CHKA: variants seen among roughly 807,000 people sequenced by gnomAD.
CHKA encodes CHETK-alpha.
CHKA carries 34 observed loss-of-function variants against 60.1 expected under a neutral mutation model. The ratio of observed to expected loss-of-function variants is 0.57; its 90% confidence interval spans 0.43 to 0.75. The LOEUF (loss-of-function observed/expected upper bound fraction) is 0.75, where lower values mean the gene tolerates loss of function less well. Among genes scored for constraint, CHKA ranks in the 30% least tolerant of loss-of-function variants. The pLI is 0.00. For missense variants in CHKA, 563 were observed against 561.3 expected (o/e 1.00, Z -0.03); for synonymous variants, 217 against 223.1 (o/e 0.97, Z 0.24).
Position 68,073,973 on chromosome 11 carries a change from G to C in CHKA, c.630+744C>G, listed in dbSNP as rs1856704158. On this transcript the variant is annotated intron_variant, in intron 4 of 11. Coordinates refer to ENST00000265689, the MANE Select transcript of CHKA (RefSeq NM_001277.3). The stretch of plus-strand genomic sequence containing the variant: ...AAGACGAGCATTGCCAATCAAAGAA[G>C]TATTGCCAGGGCTCAGAGCCACACT... 3.3e-5 allele frequency among the ~76,000 whole-genome samples: 5 copies of C among 152,262 alleles called. No homozygotes were observed. In the South Asian group the frequency reaches 1.0e-3, roughly 32 times the overall value.
At chr11:68,091,621 C>T (rs947039697) in intron 2 of CHKA, among the ~76,000 whole-genome samples, 4 of 152,316 alleles carry the variant, frequency 2.6e-5, no homozygotes, top group African/African-American at 9.6e-5. Flanking sequence ...AGCTGTGGAG[C>T]TGAACCCAAT....
In CHKA at chr11:68,053,993, C is replaced by A. The variant is rs772463621; in HGVS notation, c.1369G>T (p.Val457Leu). 3 of 1,613,568 alleles carry A rather than the reference C, an allele frequency of 1.9e-6. No individual in the cohort carries two copies. Among genetic ancestry groups the A allele is most frequent in the Non-Finnish European group, 2.5e-6 (3 of 1,179,774 alleles). ...GGATGGAGTCCTCCCCACAGTCACA[C>A]CCCAAGCTTCCTCTTCTGGTGGAAA... ...AYFHQKRKLG[V>L] The change falls in exon 12 of 12, where the codon GTG becomes TTG. Residue 457 changes from valine to leucine, a missense_variant. Physicochemically the swap from Val to Leu is conservative, Grantham distance 32 (BLOSUM62 1). Transcript: ENST00000265689.
chr11:68,118,418 G>A (rs967912221), intron 1 of CHKA, among the ~76,000 whole-genome samples: 4 of 152,042 alleles, frequency 2.6e-5, no homozygotes, highest in African/African-American at 4.8e-5. Flanking sequence ...TCCAGCCTGC[G>A]CGACAGAGTG....
chr11:68,097,347 C>T (rs902890669), intron 1 of CHKA, among the ~76,000 whole-genome samples: 2 of 152,066 alleles, frequency 1.3e-5, no homozygotes, highest in Non-Finnish European at 2.9e-5. Flanking sequence ...TGAAATTGCC[C>T]GTGTGGGCCG....
intron 2 of CHKA, among the ~76,000 whole-genome samples, chr11:68,095,766 G>C (rs1163459801): frequency 6.9e-6 from 1 of 144,416 alleles, no homozygotes; most frequent in Non-Finnish European, 1.5e-5. Context: ...CACAGGCCAG[G>C]CGTGGTGGCT....
chr11:68,095,494 G>C (rs530918775), intron 2 of CHKA, among the ~76,000 whole-genome samples: 5 of 145,592 alleles, frequency 3.4e-5, no homozygotes, highest in Non-Finnish European at 7.5e-5. Flanking sequence ...CGGATCACGA[G>C]GTCAGGAGAT....
At chr11:68,067,668 T>C (rs2134526659) in intron 7 of CHKA, among the ~76,000 whole-genome samples, 1 of 152,186 alleles carries the variant, frequency 6.6e-6, no homozygotes, top group South Asian at 2.1e-4. Context: ...CTTCGATCCT[T>C]CCTACACTTT....
At chr11:68,081,694 G>A (rs1384563022) in intron 2 of CHKA, 12 of 437,066 alleles carry the variant, frequency 2.7e-5, no homozygotes, top group South Asian at 9.1e-5. Flanking sequence ...GGTGAGACCC[G>A]ATAGCTGCAC....
chr11:68,112,914 C>G (rs1174524236), intron 1 of CHKA, among the ~76,000 whole-genome samples: 1 of 151,532 alleles, frequency 6.6e-6, no homozygotes, highest in African/African-American at 2.4e-5. Flanking sequence ...AACCCCATCT[C>G]TACTAAAAAT....
intron 1 of CHKA, among the ~76,000 whole-genome samples, chr11:68,113,442 A>G (rs1378557546): frequency 6.6e-6 from 1 of 152,184 alleles, no homozygotes; most frequent in Non-Finnish European, 1.5e-5. Flanking sequence ...CACGCCTGTA[A>G]TCCCAGCACT....
Position 68,086,879 on chromosome 11 carries a change from G to A in CHKA, c.463-5422C>T, listed in dbSNP as rs772019947. Reference sequence around the variant, plus strand: ...CGGGCGCCTGTTGTCCCAGCTACTCGGGAGGCTGAGGCAGGAGAATGGCGT... The same window carrying A: ...CGGGCGCCTGTTGTCCCAGCTACTCAGGAGGCTGAGGCAGGAGAATGGCGT... On this transcript the variant is annotated intron_variant, in intron 2 of 11. Transcript: ENST00000265689. 3.9e-5 allele frequency among the ~76,000 whole-genome samples: 6 copies of A among 152,166 alleles called. No individual in the cohort carries two copies. In the East Asian group the frequency reaches 5.8e-4, roughly 15 times the overall value.
intron 9 of CHKA, among the ~76,000 whole-genome samples, chr11:68,065,058 T>TC (rs1856395292): frequency 6.6e-6 from 1 of 152,012 alleles, no homozygotes; most frequent in African/African-American, 2.4e-5. Flanking sequence ...ATCACCAGCC[T>TC]CCTCCCATCA....
intron 2 of CHKA, among the ~76,000 whole-genome samples, chr11:68,094,656 G>C (rs951299594): frequency 6.6e-6 from 1 of 152,212 alleles, no homozygotes; most frequent in Admixed American, 6.5e-5. Flanking sequence ...GTGAACACAA[G>C]AATCTTTTCT....
At chr11:68,063,090 G>C (rs1856308583) in intron 10 of CHKA, among the ~76,000 whole-genome samples, 1 of 152,140 alleles carries the variant, frequency 6.6e-6, no homozygotes, top group African/African-American at 2.4e-5. Flanking sequence ...AAACTGTTGA[G>C]AAAACAGTTA....
At chr11:68,104,288 T>A (rs1458698699) in intron 1 of CHKA, among the ~76,000 whole-genome samples, 1 of 151,986 alleles carries the variant, frequency 6.6e-6, no homozygotes, top group African/African-American at 2.4e-5. Context: ...AAAAAGTTGA[T>A]CTCATAGAAG....
chr11:68,066,904 C>T (rs533311689), intron 7 of CHKA, among the ~76,000 whole-genome samples: 23 of 152,364 alleles, frequency 1.5e-4, no homozygotes, highest in African/African-American at 5.5e-4. Context: ...GGTTTGCTGT[C>T]TGCAGGCCAG....
At chr11:68,068,127 A>G (rs992426808) in intron 7 of CHKA, among the ~76,000 whole-genome samples, 2 of 152,176 alleles carry the variant, frequency 1.3e-5, no homozygotes, top group African/African-American at 2.4e-5. Context: ...CAAAGCAGAG[A>G]AGCCCGAAAT....
At chr11:68,091,718 A>G (rs577744279) in intron 2 of CHKA, among the ~76,000 whole-genome samples, 10 of 152,362 alleles carry the variant, frequency 6.6e-5, no homozygotes, top group Admixed American at 5.9e-4. Context: ...ATGGAAATAA[A>G]GGAAATCAGA....
intron 3 of CHKA, among the ~76,000 whole-genome samples, chr11:68,075,743 C>A (rs1384239172): frequency 6.6e-6 from 1 of 152,032 alleles, no homozygotes; most frequent in Non-Finnish European, 1.5e-5. Context: ...AGAGACCAGC[C>A]TGGGCAACAT....
Sources: allele counts gnomAD v4.1 joint callset (sites outside exome capture counted in the v4.1 genomes callset), GRCh38; gene constraint gnomAD v4.1.1; transcripts MANE v1.5; gene names NCBI Gene and HGNC (gene_info 2026-07-23, HGNC 2026-07-21).